The following MC2R variants were observed in gnomAD, a reference collection of about 807,000 sequenced individuals.
MC2R encodes adrenocorticotropic hormone receptor.
MC2R carries 9 observed loss-of-function variants against 9.8 expected under a neutral mutation model. The observed-to-expected ratio is 0.92, with a 90% CI of 0.55 to 1.60. The LOEUF is 1.60. MC2R is among the 40% of genes most tolerant of loss of function. MC2R has a pLI of 0.00. For synonymous variants in MC2R, 185 were observed against 154.7 expected, an observed-to-expected ratio of 1.20 and a Z score of -1.45; for missense variants, 370 against 389.0, an observed-to-expected ratio of 0.95 and a Z score of 0.41.
At chr18:13,903,096 C>G (rs1036485594) in intron 1 of MC2R, among the ~76,000 whole-genome samples, 4 of 152,124 alleles carry the variant, frequency 2.6e-5, no homozygotes, top group Non-Finnish European at 4.4e-5. Flanking sequence ...AAAAGGTGCT[C>G]AACATCATTG....
intron 1 of MC2R, among the ~76,000 whole-genome samples, chr18:13,914,012 G>A (rs1298736737): frequency 1.3e-5 from 2 of 152,006 alleles, no homozygotes; most frequent in Non-Finnish European, 2.9e-5. Flanking sequence ...AGACACTAAG[G>A]ATTCCATAGG....
chr18:13,889,999 C>T (rs1435999134), intron 1 of MC2R, among the ~76,000 whole-genome samples: 3 of 152,156 alleles, frequency 2.0e-5, no homozygotes, highest in African/African-American at 7.2e-5. Flanking sequence ...TTAATCTTAG[C>T]GCTTCCATGA....
At chr18:13,900,681 C>T (rs1004928653) in intron 1 of MC2R, among the ~76,000 whole-genome samples, 7 of 152,194 alleles carry the variant, frequency 4.6e-5, no homozygotes, top group Admixed American at 3.9e-4. Flanking sequence ...ACAAAGGTGT[C>T]AATTTAGCAA....
At chr18:13,896,608 A>G (rs548154676) in intron 1 of MC2R, among the ~76,000 whole-genome samples, 1 of 152,352 alleles carries the variant, frequency 6.6e-6, no homozygotes, top group East Asian at 1.9e-4. Context: ...AAATCCAGGT[A>G]GCAATTTTTA....
In MC2R at chr18:13,885,610, C is replaced by T; in HGVS notation, c.-92G>A. 2 of 1,406,862 alleles carry T rather than the reference C, an allele frequency of 1.4e-6. No homozygotes were observed. Among genetic ancestry groups the T allele is most frequent in the Non-Finnish European group, 2.0e-6 (2 of 1,003,846 alleles). 87.1% of individuals were successfully genotyped at this position (1,406,862 alleles called of 1,614,324 possible). A position where few individuals can be genotyped will look rare whatever the true frequency, so the allele number is the denominator to read the frequency against. ...CTTCAGGATCTTTTCTTCCTTGTAG[C>T]ACTTGCTGGAGATCTAAGTTAAAAT... On this transcript the variant is annotated 5_prime_UTR_variant, in exon 2 of 2. Transcript: ENST00000327606.
intron 1 of MC2R, among the ~76,000 whole-genome samples, chr18:13,893,193 G>C (rs1053412994): frequency 6.6e-6 from 1 of 152,126 alleles, no homozygotes; most frequent in African/African-American, 2.4e-5. Flanking sequence ...GTTGAATTCT[G>C]AACGACATCC....
rs1809837196 is a variant in MC2R, at chr18:13,884,471, A to G, written c.*154T>C. The G allele has an allele frequency of 9.9e-6, 8 of 810,336 alleles. No individual in the cohort carries two copies. Among genetic ancestry groups the G allele is most frequent in the South Asian group, 8.7e-5 (6 of 68,794 alleles). 50.2% of individuals were successfully genotyped at this position (810,336 alleles called of 1,614,324 possible). A position where few individuals can be genotyped will look rare whatever the true frequency, so the allele number is the denominator to read the frequency against. ...CCTACAATAAGACTGTTCACATAGAACCTAGCTATTAGAAACACTAGCTGG... is the reference window on the plus strand; with the variant it reads ...CCTACAATAAGACTGTTCACATAGAGCCTAGCTATTAGAAACACTAGCTGG... On this transcript the variant is annotated 3_prime_UTR_variant, in exon 2 of 2. Coordinates refer to ENST00000327606, the MANE Select transcript of MC2R (RefSeq NM_000529.2).
chr18:13,889,005 C>T (rs1218536386), intron 1 of MC2R, among the ~76,000 whole-genome samples: 1 of 152,194 alleles, frequency 6.6e-6, no homozygotes, highest in Non-Finnish European at 1.5e-5. Flanking sequence ...AGAGCCCTTC[C>T]ACCTCCTTCC....
chr18:13,906,130 G>A (rs1167862547), intron 1 of MC2R, among the ~76,000 whole-genome samples: 2 of 152,076 alleles, frequency 1.3e-5, no homozygotes, highest in Non-Finnish European at 2.9e-5. Flanking sequence ...ACATGCACAC[G>A]TATGTTTATT....
chr18:13,889,731 G>T (rs886510349), intron 1 of MC2R, among the ~76,000 whole-genome samples: 15 of 152,200 alleles, frequency 9.9e-5, no homozygotes, highest in Non-Finnish European at 2.2e-4. Flanking sequence ...AAGGCTCCAA[G>T]GGTAAGGAGA....
At chr18:13,885,808 G>A (rs535337892) in intron 1 of MC2R, among the ~76,000 whole-genome samples, 162 bp from the exon 2 acceptor site, 1 of 152,178 alleles carries the variant, frequency 6.6e-6, no homozygotes, top group East Asian at 1.9e-4. Flanking sequence ...AGTGACAATA[G>A]CAAAGATATG....
intron 1 of MC2R, among the ~76,000 whole-genome samples, chr18:13,894,064 A>G (rs1305891977): frequency 1.3e-5 from 2 of 152,108 alleles, no homozygotes; most frequent in African/African-American, 4.8e-5. Flanking sequence ...TTTCTCCTTA[A>G]AAAGATTCTG....
intron 1 of MC2R, among the ~76,000 whole-genome samples, chr18:13,903,463 T>C (rs2045392563): frequency 6.6e-6 from 1 of 152,176 alleles, no homozygotes; most frequent in African/African-American, 2.4e-5. Flanking sequence ...AACAGATGAA[T>C]GGATAAAGAA....
rs28926182 is a variant in MC2R at position 13,884,686 on chromosome 18, A to C, written c.833T>G (p.Phe278Cys). ...NAVIDPFIYA[F>C]RSPELRDAFK... is the part of the protein sequence containing the mutation. ...TGCGTCCCTGAGCTCTGGGCTCCGG[A>C]AGGCATATATGAAGGGGTCAATGAC... The change falls in exon 2 of 2, where the codon TTC becomes TGC. Residue 278 changes from phenylalanine to cysteine, a missense_variant. Physicochemically the swap from Phe to Cys is radical, Grantham distance 205. Transcript: ENST00000327606. 4.2e-3 allele frequency: 6,843 copies of C among 1,614,126 alleles called. 248 individuals are homozygous for C. In the African/African-American group the frequency reaches 0.079, roughly 19 times the overall value.
chr18:13,904,397 A>G (rs1480460421), intron 1 of MC2R, among the ~76,000 whole-genome samples: 1 of 149,774 alleles, frequency 6.7e-6, no homozygotes, highest in Non-Finnish European at 1.5e-5. Context: ...AAAAAAAAAA[A>G]AAGTCATAAT....
At position 13,883,557 on chromosome 18, in the gene MC2R, T is replaced by A. The variant is rs1053713890; in HGVS notation, c.*1068A>T. 7.1e-6 allele frequency: 1 copy of A among 140,526 alleles called. No individual in the cohort carries two copies. The highest frequency in any genetic ancestry group is 2.2e-4 in the East Asian group (1 of 4,618). 8.7% of individuals were successfully genotyped at this position (140,526 alleles called of 1,614,324 possible). A position where few individuals can be genotyped will look rare whatever the true frequency, so the allele number is the denominator to read the frequency against. ...GCTTTGGTTTTGGTTTTCCCCATAG[T>A]CCAAAAGCATGGGGAAAATACACAC... On this transcript the variant is annotated 3_prime_UTR_variant, in exon 2 of 2. Transcript: ENST00000327606.
intron 1 of MC2R, among the ~76,000 whole-genome samples, chr18:13,897,934 C>T (rs767403027): frequency 6.6e-6 from 1 of 151,950 alleles, no homozygotes; most frequent in Non-Finnish European, 1.5e-5. Context: ...AGGTGAGACC[C>T]AGCACATTCC....
chr18:13,903,864 C>CA (rs2045395342), intron 1 of MC2R, among the ~76,000 whole-genome samples: 1 of 151,828 alleles, frequency 6.6e-6, no homozygotes, highest in Non-Finnish European at 1.5e-5. Context: ...TAAAAAACAA[C>CA]AAAAAACAGG....
At chr18:13,898,289 C>T (rs544409629) in intron 1 of MC2R, among the ~76,000 whole-genome samples, 2 of 152,276 alleles carry the variant, frequency 1.3e-5, no homozygotes, top group East Asian at 3.9e-4. Context: ...GCTCCTCTGC[C>T]TTTCGGAAAG....
Sources: gnomAD v4.1 joint callset for allele counts (sites outside exome capture counted in the v4.1 genomes callset) on GRCh38, gnomAD v4.1.1 for gene constraint, MANE v1.5 for transcripts, NCBI Gene and HGNC (gene_info 2026-07-23, HGNC 2026-07-21) for gene names.